The following OMD variants were observed in gnomAD, a reference collection of about 807,000 sequenced individuals.
OMD encodes KSPG osteomodulin.
A neutral mutation model predicts 31.2 loss-of-function variants in OMD; 19 were observed. That is an observed-to-expected ratio of 0.61 (90% CI 0.42 to 0.89). OMD has a LOEUF of 0.89. OMD is among the 40% of genes least tolerant of loss of function. The pLI is 0.00. For missense variants in OMD, 448 were observed against 490.8 expected, an observed-to-expected ratio of 0.91 and a Z score of 0.82; for synonymous variants, 155 against 166.4, an observed-to-expected ratio of 0.93 and a Z score of 0.53.
At chr9:92,422,189 T>A (rs575589100) in intron 1 of OMD, among the ~76,000 whole-genome samples, 22 of 152,232 alleles carry the variant, frequency 1.4e-4, no homozygotes, top group Non-Finnish European at 2.6e-4. Context: ...TAGCTGGGAT[T>A]ACAGGCGTGC....
chr9:92,415,009 C>T lies in OMD; in HGVS notation c.*143G>A. 3.5e-6 allele frequency: 2 copies of T among 573,758 alleles called. No individual in the cohort carries two copies. Among genetic ancestry groups the T allele is most frequent in the Non-Finnish European group, 5.8e-6 (2 of 345,990 alleles). 35.5% of individuals were successfully genotyped at this position (573,758 alleles called of 1,614,324 possible). A position where few individuals can be genotyped will look rare whatever the true frequency, so the allele number is the denominator to read the frequency against. On this transcript the variant is annotated 3_prime_UTR_variant, in exon 3 of 3. Coordinates refer to ENST00000375550, the MANE Select transcript of OMD (RefSeq NM_005014.3). ...TAATCCTATGAAATGATGCAGATGT[C>T]ACCAACAACTTAAATTCAATTCTGA...
At chr9:92,418,323 G>GT (rs1447381688) in intron 1 of OMD, among the ~76,000 whole-genome samples, 1 of 151,792 alleles carries the variant, frequency 6.6e-6, no homozygotes, top group Admixed American at 6.6e-5. Flanking sequence ...CTGACCTCAG[G>GT]TGATCCACCC....
Position 92,416,910 on chromosome 9 carries a change from G to A in OMD, c.649C>T (p.Leu217Phe). 6.2e-7 allele frequency: 1 copy of A among 1,613,996 alleles called. No homozygotes were observed. Reference protein sequence around the residue: ...IFAKMEKLMQLNLCSNRLESM... With the variant: ...IFAKMEKLMQFNLCSNRLESM... Reference sequence around the variant, plus strand: ...TCTAATCTGTTACTGCAGAGGTTGAGCTGCATTAGTTTTTCCATTTTGGCA... The same window carrying A: ...TCTAATCTGTTACTGCAGAGGTTGAACTGCATTAGTTTTTCCATTTTGGCA... Residue 217 changes from leucine to phenylalanine, a missense_variant, in exon 2 of 3, where the codon CTC (leucine) becomes TTC (phenylalanine). Physicochemically the swap from Leu to Phe is conservative, Grantham distance 22. Coordinates refer to ENST00000375550, the MANE Select transcript of OMD (RefSeq NM_005014.3).
intron 2 of OMD, among the ~76,000 whole-genome samples, chr9:92,416,134 C>G (rs1468597529): frequency 1.4e-5 from 2 of 141,938 alleles, no homozygotes; most frequent in Non-Finnish European, 3.0e-5. Context: ...GAGTTTTGCT[C>G]TGTCATCCAG....
Position 92,415,467 on chromosome 9 carries a change from A to C in OMD, c.951T>G (p.Leu317=), listed in dbSNP as rs772362041. 1.3e-6 allele frequency: 2 copies of C among 1,580,202 alleles called. No individual in the cohort carries two copies. Among genetic ancestry groups the C allele is most frequent in the Admixed American group, 3.7e-5 (2 of 54,510 alleles). Residue 317 remains leucine, a synonymous_variant, in exon 3 of 3, where the codon CTT becomes CTG. Coordinates refer to ENST00000375550, the MANE Select transcript of OMD (RefSeq NM_005014.3). ...GGTCAATAGAAGGACACATCACTGT[A>C]AGATTCATCTCTGAAAGAAATAAAT... ...LQNNEIEKMN[L]TVMCPSIDPL... is the part of the protein sequence containing the mutation.
intron 1 of OMD, among the ~76,000 whole-genome samples, chr9:92,420,145 AC>A (rs1160375107): frequency 6.6e-6 from 1 of 151,912 alleles, no homozygotes. Flanking sequence ...TATTACTGGA[AC>A]CCTTCATACT....
Position 92,415,350 on chromosome 9 carries a change from A to G in OMD, c.1068T>C (p.His356=), listed in dbSNP as rs1843559768. The change falls in exon 3 of 3, where the codon CAT becomes CAC. Residue 356 remains histidine (H), a synonymous_variant. Transcript: ENST00000375550. ...ISSYIFFCFP[H]IHTIYYGEQR... Reference sequence around the variant, plus strand: ...GTTCACCATAATAAATAGTGTGTATATGAGGGAAGCAGAAGAAGATGTATG... The same window carrying G: ...GTTCACCATAATAAATAGTGTGTATGTGAGGGAAGCAGAAGAAGATGTATG... 1 of 1,613,658 alleles carries G rather than the reference A, an allele frequency of 6.2e-7. No individual in the cohort carries two copies. Among genetic ancestry groups the G allele is most frequent in the South Asian group, 1.1e-5 (1 of 91,074 alleles).
intron 2 of OMD, 60 bp from the exon 3 acceptor site, chr9:92,415,537 T>C (rs1027344982): frequency 7.0e-5 from 64 of 908,276 alleles, no homozygotes; most frequent in Non-Finnish European, 1.4e-5. Context: ...GTTATAGCCA[T>C]AATTCTATGT....
rs1487207007 is a variant in OMD, at chr9:92,419,645, A to G, written c.-16-2071T>C. Among the ~76,000 whole-genome samples the G allele has an allele frequency of 9.2e-5, 14 of 152,206 alleles. No individual in the cohort carries two copies. In the South Asian group the frequency reaches 2.5e-3, roughly 27 times the overall value. On this transcript the variant is annotated intron_variant, in intron 1 of 2. Coordinates refer to ENST00000375550, the MANE Select transcript of OMD (RefSeq NM_005014.3). ...GCTTATCCGCCTGGTCGTTGTTAGC[A>G]TTGTATGAGCTATGCATGTACAAGT...
rs1588121356 is a variant in OMD, at chr9:92,424,341, C to T, written c.-156G>A. 1 of 152,120 alleles carries T rather than the reference C, an allele frequency of 6.6e-6. No homozygotes were observed. The highest frequency in any genetic ancestry group is 2.4e-5 in the African/African-American group (1 of 41,422). 9.4% of individuals were successfully genotyped at this position (152,120 alleles called of 1,614,324 possible). ...CCAGACAGGGCTGTCTCTTGAATTA[C>T]TGTAGCAATTTAAGCAAATACAATC... On this transcript the variant is annotated 5_prime_UTR_variant, in exon 1 of 3. Transcript: ENST00000375550.
Position 92,424,355 on chromosome 9 carries a change from G to A in OMD, c.-170C>T, listed in dbSNP as rs796239656. 5.9e-5 allele frequency: 9 copies of A among 152,194 alleles called. No individual in the cohort carries two copies. The highest frequency in any genetic ancestry group is 2.2e-4 in the African/African-American group (9 of 41,520). The allele number at this position is 152,194 out of a possible 1,614,324, so 9.4% of individuals were successfully genotyped here. ...CTCTTGAATTACTGTAGCAATTTAA[G>A]CAAATACAATCTTCTTGGAAAACAC... On this transcript the variant is annotated 5_prime_UTR_variant, in exon 1 of 3. Transcript: ENST00000375550.
chr9:92,416,136 G>C (rs1843605641), intron 2 of OMD, among the ~76,000 whole-genome samples: 1 of 140,460 alleles, frequency 7.1e-6, no homozygotes, highest in African/African-American at 2.6e-5. Flanking sequence ...GTTTTGCTCT[G>C]TCATCCAGGC....
rs1212620893 is a variant in OMD at position 92,412,998 on chromosome 9, T to TG, written c.*2153_*2154insC. Among the ~76,000 whole-genome samples the TG allele has an allele frequency of 6.8e-6, 1 of 148,104 alleles. No homozygotes were observed. Among genetic ancestry groups the TG allele is most frequent in the African/African-American group, 2.5e-5 (1 of 40,024 alleles). ...AGCTTTTTTTTTTTTTTTTTTTTTTTTTTGATATGGACTTTTGCTCTTGTT... is the reference window on the plus strand; with the variant it reads ...AGCTTTTTTTTTTTTTTTTTTTTTTTGTTTGATATGGACTTTTGCTCTTGTT... On this transcript the variant is annotated 3_prime_UTR_variant, in exon 3 of 3. Transcript: ENST00000375550.
Position 92,415,126 on chromosome 9 carries a change from T to G in OMD, c.*26A>C. 6.5e-7 allele frequency: 1 copy of G among 1,531,360 alleles called. No homozygotes were observed. The highest frequency in any genetic ancestry group is 8.8e-7 in the Non-Finnish European group (1 of 1,137,154). 94.9% of individuals were successfully genotyped at this position (1,531,360 alleles called of 1,614,324 possible). ...ATTAAGTATAGGTTTTGTGAAGTCG[T>G]AAGTGTATACCTATATAGTTTCTTG... On this transcript the variant is annotated 3_prime_UTR_variant, in exon 3 of 3. Transcript: ENST00000375550.
Position 92,417,335 on chromosome 9 carries a change from G to A in OMD, c.224C>T (p.Ser75Leu). 6.2e-7 allele frequency: 1 copy of A among 1,614,000 alleles called. No homozygotes were observed. ...GAGTTTGCGATTATCACAGTACATT[G>A]ATGATGGAAAGTTAGTTGGACAGAA... ...ECFCPTNFPSSMYCDNRKLKT... is the reference protein window; with the variant it reads ...ECFCPTNFPSLMYCDNRKLKT... Residue 75 changes from serine to leucine, a missense_variant, in exon 2 of 3, where the codon TCA becomes TTA. Transcript: ENST00000375550.
At position 92,413,161 on chromosome 9, in the gene OMD, A is replaced by AT; in HGVS notation, c.*1990dup. ...CACCATGCCTGGCTAATTATTTTGT[A>AT]TTTTTAGTAGAGATGGGGTTTCTCC... On this transcript the variant is annotated 3_prime_UTR_variant, in exon 3 of 3. Transcript: ENST00000375550. 6.6e-6 allele frequency among the ~76,000 whole-genome samples: 1 copy of AT among 151,382 alleles called. No individual in the cohort carries two copies. Among genetic ancestry groups the AT allele is most frequent in the South Asian group, 2.1e-4 (1 of 4,792 alleles).
chr9:92,415,325 G>T lies in OMD; in HGVS notation c.1093C>A (p.Gln365Lys), dbSNP rs1447230771. 1.9e-6 allele frequency: 3 copies of T among 1,613,564 alleles called. No individual in the cohort carries two copies. The highest frequency in any genetic ancestry group is 1.1e-5 in the South Asian group (1 of 91,068). Residue 365 changes from glutamine to lysine, a missense_variant, in exon 3 of 3, where the codon CAA becomes AAA. By Grantham distance (53) the Gln-to-Lys change is moderately conservative. Transcript: ENST00000375550. ...ATTGTTTGACCATTAGTGCTTCGTT[G>T]TTCACCATAATAAATAGTGTGTATA... The part of the protein sequence containing the change: ...PHIHTIYYGE[Q>K]RSTNGQTIQL...
At position 92,415,190 on chromosome 9, in the gene OMD, C is replaced by T. The variant is rs189375297; in HGVS notation, c.1228G>A (p.Gly410Arg). 1.4e-5 allele frequency: 22 copies of T among 1,613,248 alleles called. No homozygotes were observed. In the East Asian group the frequency reaches 4.7e-4, roughly 34 times the overall value. ...HESPEQEGAE[G>R]HFDLHYYENQ... ...TCATAATAATGAAGGTCAAAGTGCC[C>T]TTCTGCTCCTTCTTGTTCTGGGCTC... is the stretch of plus-strand genomic sequence containing the variant. Residue 410 changes from glycine to arginine, a missense_variant, in exon 3 of 3, where the codon GGG becomes AGG. Gly to Arg is a moderately radical substitution (Grantham distance 125, BLOSUM62 -2). Transcript: ENST00000375550.
intron 1 of OMD, among the ~76,000 whole-genome samples, chr9:92,419,366 T>A (rs1297195030): frequency 6.7e-6 from 1 of 149,506 alleles, no homozygotes; most frequent in African/African-American, 2.5e-5. Context: ...AGTGGTGCGA[T>A]CTCGGCTCAC....
Sources: gnomAD v4.1 joint callset for allele counts (sites outside exome capture counted in the v4.1 genomes callset) on GRCh38, gnomAD v4.1.1 for gene constraint, MANE v1.5 for transcripts, NCBI Gene and HGNC (gene_info 2026-07-23, HGNC 2026-07-21) for gene names.